RTN1: variants seen among roughly 807,000 people sequenced by gnomAD.
RTN1 encodes reticulon-1.
Under a neutral mutation model 65.5 loss-of-function variants are expected in RTN1, and 25 were observed. That is an observed-to-expected ratio of 0.38 (90% CI 0.28 to 0.53). The LOEUF is 0.53. Among genes scored for constraint, RTN1 ranks in the 20% least tolerant of loss-of-function variants. RTN1 has a pLI of 0.79. For missense variants in RTN1, 983 were observed against 1,025.4 expected (o/e 0.96, Z 0.57); for synonymous variants, 471 against 447.6 (o/e 1.05, Z -0.66).
At chr14:59,802,524 T>C (rs1377355106) in intron 1 of RTN1, among the ~76,000 whole-genome samples, 1 of 152,240 alleles carries the variant, frequency 6.6e-6, no homozygotes, top group East Asian at 1.9e-4. Flanking sequence ...CAACCTTTAA[T>C]CCAAATTTTG....
rs1171909757 is a variant in RTN1 at position 59,790,267 on chromosome 14, TCACACACACACACAGA to T, written c.242-43802_242-43787del. Among the ~76,000 whole-genome samples, 3 of 151,138 alleles carry T rather than the reference TCACACACACACACAGA, an allele frequency of 2.0e-5. No individual in the cohort carries two copies. Among genetic ancestry groups the T allele is most frequent in the Admixed American group, 6.6e-5 (1 of 15,148 alleles). The stretch of plus-strand genomic sequence containing the variant: ...ACAATCTACTCATTCATTATGTATG[TCACACACACACACAGA>T]CACACACACACACCTCTAGGAAAAA... On this transcript the variant is annotated intron_variant, in intron 1 of 8. Transcript: ENST00000267484. The surrounding 1 kb of genome is among the most constrained non-coding windows in gnomAD (Gnocchi z 4.1).
intron 1 of RTN1, among the ~76,000 whole-genome samples, chr14:59,802,596 G>A (rs1003304928): frequency 1.3e-5 from 2 of 152,132 alleles, no homozygotes; most frequent in Non-Finnish European, 2.9e-5. Context: ...GATGGCATTT[G>A]GAATTTAGTA....
chr14:59,733,416 C>T (rs1410334258), intron 2 of RTN1, among the ~76,000 whole-genome samples: 1 of 152,050 alleles, frequency 6.6e-6, no homozygotes, highest in Non-Finnish European at 1.5e-5. Flanking sequence ...AAGCAGGGCT[C>T]CCATCCATTC....
chr14:59,751,144 A>G (rs919248602), intron 1 of RTN1, among the ~76,000 whole-genome samples: 2 of 151,534 alleles, frequency 1.3e-5, no homozygotes, highest in Non-Finnish European at 2.9e-5. Flanking sequence ...TTTGTGAGCA[A>G]CAGACTAGTT....
intron 3 of RTN1, among the ~76,000 whole-genome samples, chr14:59,653,256 A>G (rs1439300367): frequency 1.3e-5 from 2 of 152,238 alleles, no homozygotes; most frequent in Admixed American, 1.3e-4. Context: ...AAGAAGTTCC[A>G]TGACATTCTG....
intron 3 of RTN1, among the ~76,000 whole-genome samples, chr14:59,669,397 T>C (rs554913171): frequency 2.6e-5 from 4 of 152,088 alleles, no homozygotes; most frequent in African/African-American, 9.6e-5. Flanking sequence ...TAGATGGGAA[T>C]TGAACAATGA....
At chr14:59,717,791 A>C (rs1300876193) in intron 3 of RTN1, among the ~76,000 whole-genome samples, 1 of 152,230 alleles carries the variant, frequency 6.6e-6, no homozygotes, top group Non-Finnish European at 1.5e-5. Flanking sequence ...GCCCAAACAG[A>C]AAATCCAACT....
chr14:59,819,320 C>T (rs1425030683), intron 1 of RTN1, among the ~76,000 whole-genome samples: 1 of 145,488 alleles, frequency 6.9e-6, no homozygotes, highest in Non-Finnish European at 1.5e-5. Flanking sequence ...ATTCCCTTAT[C>T]TGGCCCCACC....
intron 8 of RTN1, among the ~76,000 whole-genome samples, chr14:59,598,609 A>G (rs1407494093): frequency 6.6e-6 from 1 of 152,174 alleles, no homozygotes; most frequent in Non-Finnish European, 1.5e-5. Context: ...GTGACCATCT[A>G]ACTTCTATTT....
chr14:59,780,301 AAACCT>A (rs1886130132), intron 1 of RTN1, among the ~76,000 whole-genome samples: 1 of 152,198 alleles, frequency 6.6e-6, no homozygotes, highest in Non-Finnish European at 1.5e-5. Flanking sequence ...GCTTATACTG[AAACCT>A]AACCTTCCTA....
intron 3 of RTN1, among the ~76,000 whole-genome samples, chr14:59,695,594 A>G (rs1957990): frequency 0.63 from 95,172 of 151,972 alleles, 29,996 homozygotes; most frequent in South Asian, 0.72. Flanking sequence ...ACCCTGATGT[A>G]TTGTACAGAA....
At chr14:59,819,755 C>T (rs1353243602) in intron 1 of RTN1, among the ~76,000 whole-genome samples, 2 of 152,162 alleles carry the variant, frequency 1.3e-5, no homozygotes, top group Non-Finnish European at 2.9e-5. Flanking sequence ...TCGAGCACTG[C>T]GCGGGGAGGC....
intron 2 of RTN1, among the ~76,000 whole-genome samples, chr14:59,732,117 A>C (rs1377620649): frequency 6.6e-6 from 1 of 152,236 alleles, no homozygotes; most frequent in Non-Finnish European, 1.5e-5. Context: ...ATTGTTCAAG[A>C]GTGAACTCCA....
In RTN1 at chr14:59,724,410, C is replaced by T. The variant is rs1829947898; in HGVS notation, c.1765+2509G>A. On this transcript the variant is annotated intron_variant, in intron 3 of 8. Coordinates refer to ENST00000267484, the MANE Select transcript of RTN1 (RefSeq NM_021136.3). ...ACTCTGTCCAGCATCAGCAGGATGG[C>T]TCATCCCCTGGATACTTGTGAATGC... 2.6e-5 allele frequency among the ~76,000 whole-genome samples: 4 copies of T among 152,200 alleles called. No individual in the cohort carries two copies. The South Asian group carries it at 8.3e-4, about 32-fold the overall frequency.
intron 3 of RTN1, among the ~76,000 whole-genome samples, chr14:59,667,665 G>A (rs915128615): frequency 2.6e-5 from 4 of 152,044 alleles, no homozygotes; most frequent in East Asian, 1.9e-4. Flanking sequence ...TGAGGAAGTC[G>A]AATTGTCCCT....
chr14:59,675,437 T>C (rs568342009), intron 3 of RTN1, among the ~76,000 whole-genome samples: 2,509 of 62,204 alleles, frequency 0.04, 41 homozygotes, highest in Non-Finnish European at 0.052. Flanking sequence ...TTGAGACCTA[T>C]AGGACTTGGG....
intron 1 of RTN1, among the ~76,000 whole-genome samples, chr14:59,801,434 CA>C (rs1234940241): frequency 2.0e-5 from 3 of 151,974 alleles, no homozygotes; most frequent in Admixed American, 6.6e-5. Context: ...AGCCAGAAGA[CA>C]ACAGAATAGC....
chr14:59,746,251 A>G lies in RTN1; in HGVS notation c.472T>C (p.Ser158Pro). The G allele has an allele frequency of 6.2e-7, 1 of 1,612,706 alleles. No homozygotes were observed. The change falls in exon 2 of 9, where the codon TCT becomes CCT. Residue 158 changes from serine (S) to proline (P), a missense_variant. Physicochemically the swap from Ser to Pro is moderately conservative, Grantham distance 74 (BLOSUM62 -1). This residue lies in a region of RTN1 where 818 missense variants were observed against 801.8 expected (regional missense o/e 1.02). Coordinates refer to ENST00000267484, the MANE Select transcript of RTN1 (RefSeq NM_021136.3). Reference sequence around the variant, plus strand: ...GAATCAGAACTAAATAAGCCACGAGACTCTATCCCAGGCACATCTGGTAAG... The same window carrying G: ...GAATCAGAACTAAATAAGCCACGAGGCTCTATCCCAGGCACATCTGGTAAG... ...PSLPDVPGIE[S>P]RGLFSSDSGI...
chr14:59,640,321 ATTT>A (rs1882750435), intron 3 of RTN1, among the ~76,000 whole-genome samples: 1 of 151,694 alleles, frequency 6.6e-6, no homozygotes, highest in African/African-American at 2.4e-5. Flanking sequence ...TAATTAATTT[ATTT>A]ATTTATTTTT....
Sources: allele counts gnomAD v4.1 joint callset (sites outside exome capture counted in the v4.1 genomes callset), GRCh38; gene constraint gnomAD v4.1.1; regional missense constraint gnomAD v4.1.1; non-coding constraint Gnocchi (gnomAD v3.1); transcripts MANE v1.5; gene names NCBI Gene and HGNC (gene_info 2026-07-23, HGNC 2026-07-21).